Variants in ADAM11 observed in about 807,000 individuals in gnomAD.
ADAM11 encodes ADAM metallopeptidase domain 11.
In ADAM11, 49 loss-of-function variants were observed where a neutral mutation model predicts 119.1. That is an observed-to-expected ratio of 0.41 (90% CI 0.33 to 0.52). ADAM11 has a LOEUF of 0.52. ADAM11 is among the 20% of genes least tolerant of loss of function. ADAM11 has a pLI of 0.20. For synonymous variants in ADAM11, 364 were observed against 408.0 expected (o/e 0.89, Z 1.30); for missense variants, 777 against 1,047.5 (o/e 0.74, Z 3.56).
chr17:44,774,242 G>T, intron 11 of ADAM11, 53 bp from the exon 12 acceptor site: 1 of 1,253,314 alleles, frequency 8.0e-7, no homozygotes. Context: ...ACCACCACCC[G>T]GGGAGCCACA....
Position 44,773,204 on chromosome 17 carries a change from T to G in ADAM11, c.826-57T>G. 1.3e-6 allele frequency: 2 copies of G among 1,552,230 alleles called. No homozygotes were observed. Among genetic ancestry groups the G allele is most frequent in the Non-Finnish European group, 1.8e-6 (2 of 1,141,938 alleles). On this transcript the variant is annotated intron_variant, in intron 10 of 26. Coordinates refer to ENST00000200557, the MANE Select transcript of ADAM11 (RefSeq NM_002390.6). This position sits in a 1 kb window ranked among gnomAD's most constrained non-coding sequence, Gnocchi z 4.6. ...CCTGGAGAGAACAGACAGGCCCTCCTCCAGCCCTGGCCCCAACACCCACTC... is the reference window on the plus strand; with the variant it reads ...CCTGGAGAGAACAGACAGGCCCTCCGCCAGCCCTGGCCCCAACACCCACTC...
chr17:44,765,993 C>A (rs534256467), intron 2 of ADAM11, among the ~76,000 whole-genome samples: 1 of 152,334 alleles, frequency 6.6e-6, no homozygotes, highest in East Asian at 1.9e-4. Context: ...GATACATTTC[C>A]ATTCAACGTG....
intron 4 of ADAM11, 88 bp downstream of exon 4, chr17:44,770,136 G>A: frequency 6.7e-7 from 1 of 1,484,374 alleles, no homozygotes; most frequent in Non-Finnish European, 9.2e-7. Context: ...GGGACAGGTG[G>A]CCACTGGAGA....
Position 44,773,606 on chromosome 17 carries a change from G to T in ADAM11, c.992+179G>T, listed in dbSNP as rs1256857470. Among the ~76,000 whole-genome samples, 4 of 152,174 alleles carry T rather than the reference G, an allele frequency of 2.6e-5. No individual in the cohort carries two copies. The highest frequency in any genetic ancestry group is 5.9e-5 in the Non-Finnish European group (4 of 68,026). On this transcript the variant is annotated intron_variant, in intron 11 of 26. Transcript: ENST00000200557. This position sits in a 1 kb window ranked among gnomAD's most constrained non-coding sequence, Gnocchi z 4.6. ...CTGGGCATCATCCCCTGAATCTGAG[G>T]TTGATGCCCTTGTCTTAGCCCTGGT... is the stretch of plus-strand genomic sequence containing the variant.
chr17:44,767,506 A>G (rs2049465452), intron 2 of ADAM11, among the ~76,000 whole-genome samples: 1 of 152,024 alleles, frequency 6.6e-6, no homozygotes, highest in Non-Finnish European at 1.5e-5. Flanking sequence ...TGTGTGACCC[A>G]TCTCTTCCCT....
At chr17:44,778,617 G>A (rs1185866461) in intron 25 of ADAM11, among the ~76,000 whole-genome samples, 1 of 146,214 alleles carries the variant, frequency 6.8e-6, no homozygotes, top group Admixed American at 7.0e-5. Context: ...CTTGAACCGG[G>A]GAGGTGGAGG....
In ADAM11 at chr17:44,774,569, C is replaced by A. The variant is rs1280615348; in HGVS notation, c.1155C>A (p.His385Gln). The A allele has an allele frequency of 3.1e-6, 5 of 1,613,140 alleles. No individual in the cohort carries two copies. Among genetic ancestry groups the A allele is most frequent in the South Asian group, 1.1e-5 (1 of 91,028 alleles). Reference protein sequence around the residue: ...GQNLGMMWNKHRSSAGDCKCP... With the variant: ...GQNLGMMWNKQRSSAGDCKCP... Reference sequence around the variant, plus strand: ...ACCTGGGCATGATGTGGAACAAACACCGGAGCTCGGCAGGTATCCTCCCCC... The same window carrying A: ...ACCTGGGCATGATGTGGAACAAACAACGGAGCTCGGCAGGTATCCTCCCCC... Residue 385 changes from histidine (H) to glutamine (Q), a missense_variant, in exon 13 of 27, where the codon CAC (histidine) becomes CAA (glutamine). This residue lies in a region of ADAM11 where 147 missense variants were observed against 223.3 expected (regional missense o/e 0.66). Coordinates refer to ENST00000200557, the MANE Select transcript of ADAM11 (RefSeq NM_002390.6).
chr17:44,766,004 A>G (rs969723895), intron 2 of ADAM11, among the ~76,000 whole-genome samples: 1 of 152,080 alleles, frequency 6.6e-6, no homozygotes, highest in African/African-American at 2.4e-5. Flanking sequence ...ATTCAACGTG[A>G]GTGTTGAGCT....
Position 44,775,078 on chromosome 17 carries a change from G to A in ADAM11, c.1221-134G>A. The A allele has an allele frequency of 1.2e-6, 1 of 812,670 alleles. No homozygotes were observed. The highest frequency in any genetic ancestry group is 1.6e-5 in the South Asian group (1 of 62,972). 50.3% of individuals were successfully genotyped at this position (812,670 alleles called of 1,614,324 possible). ...CAGGGACAGGCGGGAGGATTCTGGT[G>A]CAATCCCGGGGCAGATCCTCCGCCT... is the stretch of plus-strand genomic sequence containing the variant. On this transcript the variant is annotated intron_variant, in intron 14 of 26. Transcript: ENST00000200557. This position sits in a 1 kb window ranked among gnomAD's most constrained non-coding sequence, Gnocchi z 7.5.
chr17:44,764,966 C>G (rs1173594213), intron 2 of ADAM11, among the ~76,000 whole-genome samples: 1 of 152,144 alleles, frequency 6.6e-6, no homozygotes, highest in South Asian at 2.1e-4. Flanking sequence ...ACCACATGAG[C>G]AGGACTCTGG....
Position 44,775,628 on chromosome 17 carries a change from G to A in ADAM11, c.1437G>A (p.Leu479=). 6.3e-7 allele frequency: 1 copy of A among 1,592,716 alleles called. No homozygotes were observed. The highest frequency in any genetic ancestry group is 8.5e-7 in the Non-Finnish European group (1 of 1,170,804). ...AGGNCCKKCT[L]THDAMCSDGL... ...GCAACTGCTGCAAGAAATGCACCCT[G>A]ACTCACGACGCCATGTGCAGCGACG... Residue 479 remains leucine, a synonymous_variant, in exon 17 of 27, where the codon CTG becomes CTA. Coordinates refer to ENST00000200557, the MANE Select transcript of ADAM11 (RefSeq NM_002390.6). The surrounding 1 kb of genome is among the most constrained non-coding windows in gnomAD (Gnocchi z 7.5).
At position 44,781,047 on chromosome 17, in the gene ADAM11, A is replaced by G. The variant is rs1171123765; in HGVS notation, c.*1293A>G. The G allele has an allele frequency of 6.6e-6, 1 of 152,366 alleles. No individual in the cohort carries two copies. The highest frequency in any genetic ancestry group is 1.5e-5 in the Non-Finnish European group (1 of 68,080). 9.4% of individuals were successfully genotyped at this position (152,366 alleles called of 1,614,324 possible). A position where few individuals can be genotyped will look rare whatever the true frequency, so the allele number is the denominator to read the frequency against. ...GGTGGAGCACTGGCTCCTTGACCCT[A>G]AAAGGTAGCTGGCAGGGGCAAGATG... is the stretch of plus-strand genomic sequence containing the variant. On this transcript the variant is annotated 3_prime_UTR_variant, in exon 27 of 27. Transcript: ENST00000200557.
rs201709295 is a variant in ADAM11, at chr17:44,779,544, AG to A, written c.2295-192del. On this transcript the variant is annotated intron_variant, in intron 26 of 26. Coordinates refer to ENST00000200557, the MANE Select transcript of ADAM11 (RefSeq NM_002390.6). ...GCCCCTGGCAGTCCCCATCCCCGGGAGGGCCCTCCCTGTGCGTCCCATCTGT... is the reference window on the plus strand; with the variant it reads ...GCCCCTGGCAGTCCCCATCCCCGGGAGGCCCTCCCTGTGCGTCCCATCTGT... 7.7e-4 allele frequency: 760 copies of A among 985,256 alleles called. 7 individuals are homozygous for A. In the African/African-American group the frequency reaches 0.012, roughly 16 times the overall value. The allele number at this position is 985,256 out of a possible 1,614,324, so 61.0% of individuals were successfully genotyped here. A position where few individuals can be genotyped will look rare whatever the true frequency, so the allele number is the denominator to read the frequency against.
At chr17:44,763,614 T>A (rs1295812445) in intron 2 of ADAM11, among the ~76,000 whole-genome samples, 1 of 152,218 alleles carries the variant, frequency 6.6e-6, no homozygotes, top group African/African-American at 2.4e-5. Flanking sequence ...TTGGGCTGGT[T>A]GTTCACTCCA....
At chr17:44,770,499 C>T (rs948039292) in intron 4 of ADAM11, among the ~76,000 whole-genome samples, 2 of 11,288 alleles carry the variant, frequency 1.8e-4, no homozygotes, top group Admixed American at 1.7e-3. Flanking sequence ...CCCCCCCCCC[C>T]GCCCCCACTG....
intron 2 of ADAM11, among the ~76,000 whole-genome samples, chr17:44,766,016 G>C (rs1032517473): frequency 6.6e-6 from 1 of 152,096 alleles, no homozygotes; most frequent in African/African-American, 2.4e-5. Flanking sequence ...TGTTGAGCTC[G>C]TGGGCAGGGA....
rs73303596 is a variant in ADAM11, at chr17:44,780,577, T to C, written c.*823T>C. On this transcript the variant is annotated 3_prime_UTR_variant, in exon 27 of 27. Coordinates refer to ENST00000200557, the MANE Select transcript of ADAM11 (RefSeq NM_002390.6). Reference sequence around the variant, plus strand: ...AGGGCGGGGGGGGTTCTAGAAAATATAGTTCCTATAATAAAATGGCACCTT... The same window carrying C: ...AGGGCGGGGGGGGTTCTAGAAAATACAGTTCCTATAATAAAATGGCACCTT... The C allele has an allele frequency of 0.024, 4,428 of 186,512 alleles. 143 individuals are homozygous for C. The highest frequency in any genetic ancestry group is 0.068 in the African/African-American group (2,806 of 41,466). The allele number at this position is 186,512 out of a possible 1,614,324, so 11.6% of individuals were successfully genotyped here. A position where few individuals can be genotyped will look rare whatever the true frequency, so the allele number is the denominator to read the frequency against.
In ADAM11 at chr17:44,772,377, C is replaced by A. The variant is rs781018285; in HGVS notation, c.611-22C>A. On this transcript the variant is annotated intron_variant, in intron 7 of 26. Coordinates refer to ENST00000200557, the MANE Select transcript of ADAM11 (RefSeq NM_002390.6). The surrounding 1 kb of genome is among the most constrained non-coding windows in gnomAD (Gnocchi z 4.5). ...GGTGGGGAGGGGCCGGCTGTGCCCCCCTCACCTGCCCCTCCCCACAGGCTG... is the reference window on the plus strand; with the variant it reads ...GGTGGGGAGGGGCCGGCTGTGCCCCACTCACCTGCCCCTCCCCACAGGCTG... 1 of 1,579,066 alleles carries A rather than the reference C, an allele frequency of 6.3e-7. No individual in the cohort carries two copies. Among genetic ancestry groups the A allele is most frequent in the East Asian group, 2.3e-5 (1 of 43,244 alleles).
At chr17:44,761,648 T>C (rs1281039617) in intron 2 of ADAM11, among the ~76,000 whole-genome samples, 2 of 152,088 alleles carry the variant, frequency 1.3e-5, no homozygotes, top group African/African-American at 4.8e-5. Context: ...AGACTGAGAC[T>C]TCCTAGGGCC....
Sources: allele counts gnomAD v4.1 joint callset (sites outside exome capture counted in the v4.1 genomes callset), GRCh38; gene constraint gnomAD v4.1.1; regional missense constraint gnomAD v4.1.1; non-coding constraint Gnocchi (gnomAD v3.1); transcripts MANE v1.5; gene names NCBI Gene and HGNC (gene_info 2026-07-23, HGNC 2026-07-21).